Variants in AATK observed in about 807,000 individuals in gnomAD.
AATK encodes the protein serine/threonine-protein kinase LMTK1.
In AATK, 91 loss-of-function variants were observed where a neutral mutation model predicts 114.3. The observed-to-expected ratio is 0.80, with a 90% CI of 0.67 to 0.95. AATK has a LOEUF of 0.95. Ranked by LOEUF, AATK falls within the 40% of genes least tolerant of loss-of-function variation. The probability of loss-of-function intolerance (pLI) is 0.00; values close to 1 mark genes in which losing one functional copy is unlikely to be tolerated. For missense variants in AATK, 2,176 were observed against 1,965.2 expected (o/e 1.11, Z -2.03); for synonymous variants, 1,075 against 916.5 (o/e 1.17, Z -3.12).
intron 1 of AATK, among the ~76,000 whole-genome samples, chr17:81,138,851 G>A (rs781063208): frequency 6.7e-6 from 1 of 150,314 alleles, no homozygotes; most frequent in African/African-American, 2.5e-5. Flanking sequence ...CACGCGTGCA[G>A]ATAACACGCA....
At chr17:81,157,193 A>G (rs1487853391) in intron 1 of AATK, among the ~76,000 whole-genome samples, 1 of 152,362 alleles carries the variant, frequency 6.6e-6, no homozygotes, top group East Asian at 1.9e-4. Flanking sequence ...GTCCACGGAT[A>G]AGGAGGATGC....
At chr17:81,138,341 CCA>C (rs1313401560) in intron 1 of AATK, among the ~76,000 whole-genome samples, 2 of 139,868 alleles carry the variant, frequency 1.4e-5, no homozygotes, top group African/African-American at 2.7e-5. Flanking sequence ...ACATGCACAC[CCA>C]CACATACCCA....
At chr17:81,141,296 A>C (rs144464521) in intron 1 of AATK, among the ~76,000 whole-genome samples, 1 of 152,138 alleles carries the variant, frequency 6.6e-6, no homozygotes, top group Non-Finnish European at 1.5e-5. Context: ...CTAAAAATAC[A>C]AAAAACTAGC....
chr17:81,165,969 G>A lies in AATK; in HGVS notation c.24C>T (p.Pro8=). The part of the protein sequence containing the change: MSSSFFN[P]SFAFSSHFDP... ...CGAAGTGCGAGCTGAAGGCGAAGCT[G>A]GGGTTGAAGAAGGACGACGACATGG... Residue 8 remains proline, a synonymous_variant, in exon 1 of 14, where the codon CCC becomes CCT. Transcript: ENST00000326724. 1 of 1,586,372 alleles carries A rather than the reference G, an allele frequency of 6.3e-7. No individual in the cohort carries two copies. Among genetic ancestry groups the A allele is most frequent in the Non-Finnish European group, 8.6e-7 (1 of 1,168,028 alleles).
In AATK at chr17:81,121,855, T is replaced by C. The variant is rs1280144967; in HGVS notation, c.2081A>G (p.Glu694Gly). The C allele has an allele frequency of 6.3e-7, 1 of 1,597,478 alleles. No individual in the cohort carries two copies. The highest frequency in any genetic ancestry group is 1.7e-5 in the Admixed American group (1 of 59,756). The change falls in exon 11 of 14, where the codon GAG becomes GGG. Residue 694 changes from glutamate (E) to glycine (G), a missense_variant. Glu to Gly is a moderately conservative substitution (Grantham distance 98). Around this residue, in one of 4 missense-constraint regions of AATK, gnomAD observed 1,701 missense variants for 1,394.7 expected, o/e 1.22. Transcript: ENST00000326724. ...ANNNSGSRCPESWDPVSAGGH... is the reference protein window; with the variant it reads ...ANNNSGSRCPGSWDPVSAGGH... Reference sequence around the variant, plus strand: ...GCCCGCAGAGACGGGGTCCCAGGACTCTGGACAGCGGCTGCCGCTGTTGTT... The same window carrying C: ...GCCCGCAGAGACGGGGTCCCAGGACCCTGGACAGCGGCTGCCGCTGTTGTT...
At chr17:81,148,976 C>G (rs1005104343) in intron 1 of AATK, among the ~76,000 whole-genome samples, 1 of 152,120 alleles carries the variant, frequency 6.6e-6, no homozygotes, top group Non-Finnish European at 1.5e-5. Flanking sequence ...ACACGGAGAC[C>G]GGGGGTGGAG....
chr17:81,137,719 CAT>C (rs1339422199), intron 1 of AATK, among the ~76,000 whole-genome samples: 3 of 151,546 alleles, frequency 2.0e-5, no homozygotes, highest in Non-Finnish European at 4.4e-5. Context: ...ACACACACCT[CAT>C]GACAACGCGA....
chr17:81,124,908 CA>C, intron 8 of AATK, 21 bp downstream of exon 8: 1 of 1,459,354 alleles, frequency 6.9e-7, no homozygotes. Context: ...ATGCCCAGCC[CA>C]GCCCACCCCA....
intron 13 of AATK, 44 bp from the exon 14 acceptor site, chr17:81,118,486 C>T (rs1483104606): frequency 2.5e-6 from 4 of 1,590,468 alleles, no homozygotes; most frequent in Non-Finnish European, 3.4e-6. Context: ...TCTGAGACAC[C>T]AGGGCTGCCT....
In AATK at chr17:81,121,464, A is replaced by G. The variant is rs755485825; in HGVS notation, c.2472T>C (p.Pro824=). 9 of 1,585,786 alleles carry G rather than the reference A, an allele frequency of 5.7e-6. No individual in the cohort carries two copies. In the South Asian group the frequency reaches 6.9e-5, roughly 12 times the overall value. Residue 824 remains proline, a synonymous_variant, in exon 11 of 14, where the codon CCT becomes CCC. Transcript: ENST00000326724. ...CACCAGTAGCAGGCGTGGGAGAGTC[A>G]GGCAGGGCATCAGGGGCGTCGGGGG... ...ASAPDAPDAL[P]DSPTPATGGE...
intron 3 of AATK, 79 bp downstream of exon 3, chr17:81,130,982 C>T (rs1030174334): frequency 1.3e-5 from 19 of 1,481,632 alleles, no homozygotes; most frequent in Non-Finnish European, 1.5e-5. Flanking sequence ...CTGAGTCTTC[C>T]GGTCTCCCCA....
chr17:81,122,522 T>G lies in AATK; in HGVS notation c.1414A>C (p.Ser472Arg). ...GDDVLTVTET[S>R]RGLNFEYKWE... ...TTGTACTCAAAATTGAGGCCTCGGCTGGTCTCGGTCACCGTCAGCACGTCG... is the reference window on the plus strand; with the variant it reads ...TTGTACTCAAAATTGAGGCCTCGGCGGGTCTCGGTCACCGTCAGCACGTCG... Residue 472 changes from serine (S) to arginine (R), a missense_variant, in exon 11 of 14, where the codon AGC becomes CGC. Physicochemically the swap from Ser to Arg is moderately radical, Grantham distance 110. Around this residue, in one of 4 missense-constraint regions of AATK, gnomAD observed 1,701 missense variants for 1,394.7 expected, o/e 1.22. Coordinates refer to ENST00000326724, the MANE Select transcript of AATK (RefSeq NM_001080395.3). 6.8e-7 allele frequency: 1 copy of G among 1,480,662 alleles called. No homozygotes were observed. 91.7% of individuals were successfully genotyped at this position (1,480,662 alleles called of 1,614,324 possible). A position where few individuals can be genotyped will look rare whatever the true frequency, so the allele number is the denominator to read the frequency against.
At position 81,165,987 on chromosome 17, in the gene AATK, C is replaced by G. The variant is rs373545119; in HGVS notation, c.6G>C (p.Ser2=). 15 of 1,578,618 alleles carry G rather than the reference C, an allele frequency of 9.5e-6. No individual in the cohort carries two copies. The highest frequency in any genetic ancestry group is 1.3e-5 in the Non-Finnish European group (15 of 1,164,632). The part of the protein sequence containing the change: M[S]SSFFNPSFAF... ...CGAAGCTGGGGTTGAAGAAGGACGA[C>G]GACATGGCCGGGCCAGCGGCCGGCG... Residue 2 remains serine, a synonymous_variant, in exon 1 of 14, where the codon TCG becomes TCC. Coordinates refer to ENST00000326724, the MANE Select transcript of AATK (RefSeq NM_001080395.3).
chr17:81,125,386 C>T (rs1174415020), intron 7 of AATK: 2 of 563,494 alleles, frequency 3.5e-6, no homozygotes, highest in Non-Finnish European at 7.2e-6. Flanking sequence ...TCACTCTCGG[C>T]TCCCCAGGAG....
intron 1 of AATK, among the ~76,000 whole-genome samples, chr17:81,137,951 C>G (rs540221038): frequency 6.6e-6 from 1 of 151,440 alleles, no homozygotes; most frequent in African/African-American, 2.4e-5. Flanking sequence ...TCCACACGCA[C>G]GCACACATCC....
intron 1 of AATK, among the ~76,000 whole-genome samples, chr17:81,150,709 C>T (rs1352256024): frequency 6.6e-6 from 1 of 152,230 alleles, no homozygotes; most frequent in African/African-American, 2.4e-5. Context: ...GGGTGCTCAG[C>T]AGGCTGGAAG....
intron 2 of AATK, among the ~76,000 whole-genome samples, chr17:81,132,441 T>A (rs2060947789): frequency 1.3e-5 from 2 of 152,216 alleles, no homozygotes; most frequent in African/African-American, 2.4e-5. Flanking sequence ...AGGCCCAGCC[T>A]GCCCTTTCGG....
At position 81,126,571 on chromosome 17, in the gene AATK, G is replaced by A; in HGVS notation, c.622-11C>T. On this transcript the variant is annotated splice_polypyrimidine_tract_variant and intron_variant, in intron 6 of 13. Coordinates refer to ENST00000326724, the MANE Select transcript of AATK (RefSeq NM_001080395.3). The surrounding 1 kb of genome is among the most constrained non-coding windows in gnomAD (Gnocchi z 5.1). Reference sequence around the variant, plus strand: ...GCCCTTGAGGTCCCCCTGCAGAAAGGGGGTGTGGCGCAGTCACCAGCAGGC... The same window carrying A: ...GCCCTTGAGGTCCCCCTGCAGAAAGAGGGTGTGGCGCAGTCACCAGCAGGC... 6.5e-7 allele frequency: 1 copy of A among 1,533,934 alleles called. No individual in the cohort carries two copies. The highest frequency in any genetic ancestry group is 8.8e-7 in the Non-Finnish European group (1 of 1,134,112).
intron 1 of AATK, among the ~76,000 whole-genome samples, chr17:81,144,239 C>A (rs2061183515): frequency 6.6e-6 from 1 of 152,234 alleles, no homozygotes; most frequent in Admixed American, 6.5e-5. Flanking sequence ...CAAAAATGCC[C>A]CCAAAATGTC....
Sources: allele counts gnomAD v4.1 joint callset (sites outside exome capture counted in the v4.1 genomes callset), GRCh38; gene constraint gnomAD v4.1.1; regional missense constraint gnomAD v4.1.1; non-coding constraint Gnocchi (gnomAD v3.1); transcripts MANE v1.5; gene names NCBI Gene and HGNC (gene_info 2026-07-23, HGNC 2026-07-21).